Variants in AFG2A observed in about 807,000 individuals in gnomAD.
The protein encoded by AFG2A is AAA ATPase AFG2A.
At chr4:123,244,673 T>C in the AFG2A span, among the ~76,000 whole-genome samples, 1 of 152,252 alleles carries the variant, frequency 6.6e-6, no homozygotes, top group Non-Finnish European at 1.5e-5. Flanking sequence ...CTTTGTAGTA[T>C]ATATCAGAAG....
At chr4:122,925,212 T>A in the AFG2A span, among the ~76,000 whole-genome samples, 801 of 152,300 alleles carry the variant, frequency 5.3e-3, 7 homozygotes, top group African/African-American at 0.018. Flanking sequence ...CATATTCCTC[T>A]TCTGCATGCC....
At chr4:123,246,032 G>C in the AFG2A span, among the ~76,000 whole-genome samples, 2 of 152,182 alleles carry the variant, frequency 1.3e-5, no homozygotes, top group Non-Finnish European at 1.5e-5. Flanking sequence ...TTGAATTATT[G>C]TTTAAAAAGC....
chr4:123,174,508 A>G, the AFG2A span, among the ~76,000 whole-genome samples: 1 of 152,208 alleles, frequency 6.6e-6, no homozygotes, highest in Non-Finnish European at 1.5e-5. Flanking sequence ...GAAATGTATC[A>G]GGAAGAGGGA....
chr4:123,281,180 G>T, the AFG2A span, among the ~76,000 whole-genome samples: 1 of 151,982 alleles, frequency 6.6e-6, no homozygotes. Context: ...GAACTATTTT[G>T]TGGATAAAGG....
chr4:123,197,253 A>G, the AFG2A span, among the ~76,000 whole-genome samples: 5 of 152,346 alleles, frequency 3.3e-5, no homozygotes, highest in South Asian at 4.1e-4. Context: ...AATAATGTGA[A>G]TAACTACCAA....
At chr4:123,144,370 C>T in the AFG2A span, among the ~76,000 whole-genome samples, 4 of 152,078 alleles carry the variant, frequency 2.6e-5, no homozygotes, top group South Asian at 6.2e-4. Flanking sequence ...TCTAATTCAG[C>T]TTATTTACAT....
At chr4:122,923,907 G>T in the AFG2A span, among the ~76,000 whole-genome samples, 2 of 152,178 alleles carry the variant, frequency 1.3e-5, no homozygotes, top group African/African-American at 2.4e-5. Flanking sequence ...TGGCAGAGCC[G>T]ATATTTGAGT....
At chr4:123,003,527 A>G in the AFG2A span, among the ~76,000 whole-genome samples, 1 of 152,212 alleles carries the variant, frequency 6.6e-6, no homozygotes, top group East Asian at 1.9e-4. Flanking sequence ...TCTAACAGAC[A>G]GGACCCTCAG....
chr4:122,949,139 C>T, the AFG2A span, among the ~76,000 whole-genome samples: 2 of 152,168 alleles, frequency 1.3e-5, no homozygotes, highest in Non-Finnish European at 2.9e-5. Flanking sequence ...ACATACACAA[C>T]AGGTTTTAAT....
At chr4:123,119,250 CT>C in the AFG2A span, among the ~76,000 whole-genome samples, 1 of 152,024 alleles carries the variant, frequency 6.6e-6, no homozygotes, top group Admixed American at 6.5e-5. Flanking sequence ...AGTCACCTTG[CT>C]TATTACAGTG....
the AFG2A span, among the ~76,000 whole-genome samples, chr4:123,017,226 G>T: frequency 7.6e-6 from 1 of 132,240 alleles, no homozygotes; most frequent in African/African-American, 3.0e-5. Context: ...GGAGAGGGGG[G>T]AGAGGGAAAG....
chr4:122,938,681 TC>T, the AFG2A span, among the ~76,000 whole-genome samples: 1 of 151,936 alleles, frequency 6.6e-6, no homozygotes, highest in Non-Finnish European at 1.5e-5. Flanking sequence ...ACCTCCACCT[TC>T]CAGGTTCAAG....
chr4:122,990,358 C>T, the AFG2A span, among the ~76,000 whole-genome samples: 2,078 of 152,324 alleles, frequency 0.014, 48 homozygotes, highest in African/African-American at 0.047. Flanking sequence ...CTTGCAAAAA[C>T]TCTACCATTA....
chr4:123,100,098 G>T, the AFG2A span, among the ~76,000 whole-genome samples: 2 of 151,732 alleles, frequency 1.3e-5, no homozygotes, highest in African/African-American at 4.8e-5. Flanking sequence ...GACATAGAAG[G>T]CTCCATGGTC....
At chr4:123,303,881 T>G in the AFG2A span, among the ~76,000 whole-genome samples, 3 of 150,374 alleles carry the variant, frequency 2.0e-5, no homozygotes, top group Admixed American at 6.7e-5. Flanking sequence ...TATTTTCTTA[T>G]GTATGGCATC....
the AFG2A span, among the ~76,000 whole-genome samples, chr4:123,111,867 G>T: frequency 6.6e-6 from 1 of 152,180 alleles, no homozygotes; most frequent in East Asian, 1.9e-4. Context: ...CTTCTGAGTA[G>T]CTGGGATTAC....
chr4:123,285,292 T>C, the AFG2A span, among the ~76,000 whole-genome samples: 1 of 152,170 alleles, frequency 6.6e-6, no homozygotes, highest in Non-Finnish European at 1.5e-5. Context: ...CCTCTACTTC[T>C]TCCTGTCTTT....
chr4:122,925,930 TTAC>T, the AFG2A span, among the ~76,000 whole-genome samples: 527 of 152,368 alleles, frequency 3.5e-3, 6 homozygotes, highest in African/African-American at 0.012. Context: ...GAAATTATCT[TTAC>T]TATCTTGTTA....
chr4:123,288,096 G>A, the AFG2A span, among the ~76,000 whole-genome samples: 1 of 152,114 alleles, frequency 6.6e-6, no homozygotes, highest in Non-Finnish European at 1.5e-5. Context: ...TAAATAGATT[G>A]AGAACTGAGG....
Sources: allele counts gnomAD v4.1 joint callset (sites outside exome capture counted in the v4.1 genomes callset), GRCh38; gene constraint gnomAD v4.1.1; transcripts MANE v1.5; gene names NCBI Gene and HGNC (gene_info 2026-07-23, HGNC 2026-07-21).